Variants in SFXN5 observed in about 807,000 individuals in gnomAD.
SFXN5 encodes the protein sideroflexin 5, also known as sideroflexin-5.
In SFXN5, 43 loss-of-function variants were observed where a neutral mutation model predicts 50.2. The ratio of observed to expected loss-of-function variants is 0.86; its 90% CI spans 0.67 to 1.11. The LOEUF is 1.11. SFXN5 is among the 50% of genes least tolerant of loss of function. The pLI is 0.00. For missense variants in SFXN5, 463 were observed against 454.1 expected (o/e 1.02, Z -0.18); for synonymous variants, 203 against 185.8 (o/e 1.09, Z -0.75).
At chr2:73,042,207 T>TAC (rs1220032970) in intron 2 of SFXN5, among the ~76,000 whole-genome samples, 12 of 152,298 alleles carry the variant, frequency 7.9e-5, no homozygotes, top group Non-Finnish European at 1.5e-4. Context: ...AAGACTTGTA[T>TAC]AAGAATGTTC....
intron 2 of SFXN5, among the ~76,000 whole-genome samples, chr2:73,054,813 T>C (rs78322355): frequency 1.3e-5 from 2 of 152,344 alleles, no homozygotes; most frequent in Non-Finnish European, 2.9e-5. Flanking sequence ...TTCTGGAACT[T>C]TCTAGAATCA....
At chr2:73,064,610 C>T (rs1328861141) in intron 1 of SFXN5, among the ~76,000 whole-genome samples, 1 of 152,152 alleles carries the variant, frequency 6.6e-6, no homozygotes, top group Non-Finnish European at 1.5e-5. Context: ...CAACTCTCAG[C>T]CCACACAAAT....
intron 2 of SFXN5, 31 bp downstream of exon 2, chr2:73,058,497 A>G: frequency 1.2e-6 from 2 of 1,604,250 alleles, no homozygotes; most frequent in South Asian, 2.2e-5. Context: ...ACAAAGGCCC[A>G]AGGGCCACTG....
intron 3 of SFXN5, among the ~76,000 whole-genome samples, chr2:73,039,776 CTATTTTATTTTATTTTATTT>C (rs56382816): frequency 6.9e-6 from 1 of 145,562 alleles, no homozygotes; most frequent in African/African-American, 2.5e-5. Flanking sequence ...CTTACAAGCA[CTATTTTATTTTATTTTATTT>C]TATTTTATTT....
rs1273678831 is a variant in SFXN5 at position 72,953,452 on chromosome 2, T to C, written c.945+7679A>G. On this transcript the variant is annotated intron_variant, in intron 13 of 13. Transcript: ENST00000272433. This position sits in a 1 kb window ranked among gnomAD's most constrained non-coding sequence, Gnocchi z 4.1. Reference sequence around the variant, plus strand: ...GACTCAGGAGGGATGCAATGTGCCCTAGACATTGTCTCTGGCCTCGCATCA... The same window carrying C: ...GACTCAGGAGGGATGCAATGTGCCCCAGACATTGTCTCTGGCCTCGCATCA... Among the ~76,000 whole-genome samples the C allele has an allele frequency of 6.6e-6, 1 of 152,160 alleles. No individual in the cohort carries two copies. Among genetic ancestry groups the C allele is most frequent in the East Asian group, 1.9e-4 (1 of 5,186 alleles).
At chr2:72,949,815 G>C (rs921706310) in intron 13 of SFXN5, among the ~76,000 whole-genome samples, 3 of 152,142 alleles carry the variant, frequency 2.0e-5, no homozygotes, top group East Asian at 1.9e-4. Context: ...AATTCCACGT[G>C]GGGGTGAGAG....
intron 1 of SFXN5, chr2:73,059,778 G>T: frequency 1.0e-6 from 1 of 978,706 alleles, no homozygotes; most frequent in Non-Finnish European, 1.2e-6. Flanking sequence ...TCCCATTAAA[G>T]ACATACATAA....
At chr2:73,066,156 C>T (rs1301002614) in intron 1 of SFXN5, among the ~76,000 whole-genome samples, 1 of 152,126 alleles carries the variant, frequency 6.6e-6, no homozygotes, top group African/African-American at 2.4e-5. Flanking sequence ...CTAACCACTA[C>T]CACAGAGATG....
intron 1 of SFXN5, among the ~76,000 whole-genome samples, chr2:73,068,900 A>G (rs1157679436): frequency 1.3e-5 from 2 of 151,942 alleles, no homozygotes; most frequent in African/African-American, 4.8e-5. Context: ...GGGATGAGGA[A>G]GAATGGGAAC....
intron 2 of SFXN5, among the ~76,000 whole-genome samples, chr2:73,043,202 C>T (rs1191250951): frequency 3.9e-5 from 6 of 152,256 alleles, no homozygotes; most frequent in Non-Finnish European, 8.8e-5. Flanking sequence ...GGGAAGAAAC[C>T]CAGCGAAGCT....
In SFXN5 at chr2:72,945,109, GA is replaced by G; in HGVS notation, c.946-11del. 6.2e-7 allele frequency: 1 copy of G among 1,613,022 alleles called. No homozygotes were observed. The highest frequency in any genetic ancestry group is 8.5e-7 in the Non-Finnish European group (1 of 1,179,214). On this transcript the variant is annotated splice_polypyrimidine_tract_variant and intron_variant, in intron 13 of 13. Transcript: ENST00000272433. This position sits in a 1 kb window ranked among gnomAD's most constrained non-coding sequence, Gnocchi z 5.8. ...ATTGGGATGTTTCAATCTGTGGAGA[GA>G]GAACAGAGAGGAAAAGTGGGGGAGT... is the stretch of plus-strand genomic sequence containing the variant.
At chr2:73,051,978 G>A (rs1049822472) in intron 2 of SFXN5, among the ~76,000 whole-genome samples, 6 of 152,132 alleles carry the variant, frequency 3.9e-5, no homozygotes, top group Non-Finnish European at 7.3e-5. Flanking sequence ...ATTATGTATG[G>A]CGTGGACACA....
chr2:72,990,755 C>T (rs1005179801), intron 9 of SFXN5, among the ~76,000 whole-genome samples: 2 of 152,226 alleles, frequency 1.3e-5, no homozygotes, highest in Non-Finnish European at 2.9e-5. Context: ...CAAAGCCTTG[C>T]TCCTAACCAG....
intron 11 of SFXN5, among the ~76,000 whole-genome samples, chr2:72,970,324 G>A (rs2105448799): frequency 6.6e-6 from 1 of 152,338 alleles, no homozygotes; most frequent in Non-Finnish European, 1.5e-5. Flanking sequence ...GAACAGGTAT[G>A]GGAATGACAG....
chr2:72,955,330 A>G (rs1366584530), intron 13 of SFXN5, among the ~76,000 whole-genome samples: 1 of 152,130 alleles, frequency 6.6e-6, no homozygotes, highest in Non-Finnish European at 1.5e-5. Flanking sequence ...GTGCCTCATT[A>G]ACCTTTTGCT....
In SFXN5 at chr2:73,071,610, G is replaced by T. The variant is rs765657983; in HGVS notation, c.96C>A (p.Phe32Leu). 3.1e-6 allele frequency: 5 copies of T among 1,613,624 alleles called. No individual in the cohort carries two copies. Among genetic ancestry groups the T allele is most frequent in the Non-Finnish European group, 4.2e-6 (5 of 1,179,862 alleles). ...ACCACAGCCCGGTCCTCACCTGCTGGAAGCGGGGTTTGCCCAGTTGGAAAG... is the reference window on the plus strand; with the variant it reads ...ACCACAGCCCGGTCCTCACCTGCTGTAAGCGGGGTTTGCCCAGTTGGAAAG... ...APPFQLGKPR[F>L]QQTSFYGRFR... is the part of the protein sequence containing the mutation. The change falls in exon 1 of 14, where the codon TTC (phenylalanine) becomes TTA (leucine). Residue 32 changes from phenylalanine to leucine, a missense_variant. Phe to Leu is a conservative substitution (Grantham distance 22). Coordinates refer to ENST00000272433, the MANE Select transcript of SFXN5 (RefSeq NM_144579.3).
chr2:73,071,680 G>A lies in SFXN5; in HGVS notation c.26C>T (p.Ser9Leu), dbSNP rs1481540508. Residue 9 changes from serine (S) to leucine (L), a missense_variant, in exon 1 of 14, where the codon TCG becomes TTG. By Grantham distance (145) the Ser-to-Leu change is moderately radical. Transcript: ENST00000272433. MADTATTA[S>L]AAAASAASAS... Reference sequence around the variant, plus strand: ...GCTAGCGGCACTAGCCGCCGCCGCCGATGCTGTAGTCGCTGTATCCGCCAT... The same window carrying A: ...GCTAGCGGCACTAGCCGCCGCCGCCAATGCTGTAGTCGCTGTATCCGCCAT... 6.2e-7 allele frequency: 1 copy of A among 1,613,044 alleles called. No individual in the cohort carries two copies. The highest frequency in any genetic ancestry group is 8.5e-7 in the Non-Finnish European group (1 of 1,179,884).
Position 73,070,142 on chromosome 2 carries a change from G to A in SFXN5, c.102+1462C>T, listed in dbSNP as rs889414928. 5.3e-5 allele frequency among the ~76,000 whole-genome samples: 8 copies of A among 152,304 alleles called. 1 individual carries two copies. In the South Asian group the frequency reaches 1.7e-3, roughly 32 times the overall value. Reference sequence around the variant, plus strand: ...GGCCCGACTGAGCCTTTAAGAACGAGCAGAATGGGGGTGGGAGCGGGGACA... The same window carrying A: ...GGCCCGACTGAGCCTTTAAGAACGAACAGAATGGGGGTGGGAGCGGGGACA... On this transcript the variant is annotated intron_variant, in intron 1 of 13. Coordinates refer to ENST00000272433, the MANE Select transcript of SFXN5 (RefSeq NM_144579.3).
intron 2 of SFXN5, among the ~76,000 whole-genome samples, chr2:73,043,172 A>G (rs955340344): frequency 6.6e-6 from 1 of 152,268 alleles, no homozygotes; most frequent in Non-Finnish European, 1.5e-5. Context: ...GGACCCAGAC[A>G]CCAAGGAAGC....
Sources: allele counts gnomAD v4.1 joint callset (sites outside exome capture counted in the v4.1 genomes callset), GRCh38; gene constraint gnomAD v4.1.1; non-coding constraint Gnocchi (gnomAD v3.1); transcripts MANE v1.5; gene names NCBI Gene and HGNC (gene_info 2026-07-23, HGNC 2026-07-21).